ANK3: variants seen among roughly 807,000 people sequenced by gnomAD.
ANK3 encodes ankyrin 3, also known as ankyrin-3.
In ANK3, 57 loss-of-function variants were observed where a neutral mutation model predicts 370.9. The observed-to-expected ratio is 0.15, with a 90% CI of 0.12 to 0.19. ANK3 has a LOEUF of 0.19. Among genes scored for constraint, ANK3 ranks in the 10% least tolerant of loss-of-function variants. The probability of loss-of-function intolerance (pLI) is 1.00; values close to 1 mark genes in which losing one functional copy is unlikely to be tolerated. For missense variants in ANK3, 4,439 were observed against 5,302.1 expected (o/e 0.84, Z 5.06); for synonymous variants, 1,929 against 1,946.3 (o/e 0.99, Z 0.23).
At position 60,678,782 on chromosome 10, in the gene ANK3, A is replaced by G. The variant is rs1308029389; in HGVS notation, c.57+54481T>C. Among the ~76,000 whole-genome samples, 5 of 152,222 alleles carry G rather than the reference A, an allele frequency of 3.3e-5. No individual in the cohort carries two copies. The East Asian group carries it at 5.8e-4, about 18-fold the overall frequency. On this transcript the variant is annotated intron_variant, in intron 1 of 43. Transcript: ENST00000373827. ...AAACAAAATATTTGGAGGCAAATTA[A>G]TGCAGTTCTGTAACTTTTCTCTTTA...
intron 17 of ANK3, among the ~76,000 whole-genome samples, chr10:60,183,790 G>A (rs1442904981): frequency 8.6e-5 from 13 of 151,760 alleles, no homozygotes; most frequent in Admixed American, 7.2e-4. Flanking sequence ...CCCTGGAGGC[G>A]GAGGTTGCAG....
At chr10:60,334,802 T>C (rs1239853740) in intron 1 of ANK3, among the ~76,000 whole-genome samples, 1 of 152,156 alleles carries the variant, frequency 6.6e-6, no homozygotes, top group African/African-American at 2.4e-5. Context: ...ATAAAAATAA[T>C]AATCTAAACT....
intron 2 of ANK3, among the ~76,000 whole-genome samples, chr10:60,447,568 AAAC>A (rs1165673876): frequency 6.6e-6 from 1 of 152,212 alleles, no homozygotes; most frequent in African/African-American, 2.4e-5. Context: ...GAAAAAAAGC[AAAC>A]AACAAGGGAA....
chr10:60,665,505 T>G (rs1419976806), intron 1 of ANK3, among the ~76,000 whole-genome samples: 1 of 152,192 alleles, frequency 6.6e-6, no homozygotes, highest in Non-Finnish European at 1.5e-5. Context: ...ACATAAATCC[T>G]GCTCTTGAGG....
intron 1 of ANK3, among the ~76,000 whole-genome samples, chr10:60,670,297 A>G (rs2079049961): frequency 6.6e-6 from 1 of 151,064 alleles, no homozygotes; most frequent in Admixed American, 6.6e-5. Context: ...CAGTTCCTCC[A>G]CCCTCCCCTG....
intron 28 of ANK3, among the ~76,000 whole-genome samples, chr10:60,089,647 ATTTATCT>A: frequency 6.6e-6 from 1 of 152,172 alleles, no homozygotes; most frequent in Non-Finnish European, 1.5e-5. Context: ...GTGACGGAGA[ATTTATCT>A]TATATGATAT....
chr10:60,106,240 C>G (rs1350051157), intron 27 of ANK3, among the ~76,000 whole-genome samples, 181 bp from the exon 28 acceptor site: 2 of 152,072 alleles, frequency 1.3e-5, no homozygotes, highest in South Asian at 2.1e-4. Context: ...TGAAAACATG[C>G]CATCATTCAT....
rs575899456 is a variant in ANK3 at position 60,665,190 on chromosome 10, G to A, written c.58-49966C>T. Among the ~76,000 whole-genome samples the A allele has an allele frequency of 1.0e-3, 157 of 151,940 alleles. 1 individual carries two copies. Among genetic ancestry groups the A allele is most frequent in the African/African-American group, 3.6e-3 (150 of 41,412 alleles). Reference sequence around the variant, plus strand: ...ACAATACCTTCTTGAGGAACACTGGGGGCACAAAACACTGTTAAAAATTTA... The same window carrying A: ...ACAATACCTTCTTGAGGAACACTGGAGGCACAAAACACTGTTAAAAATTTA... On this transcript the variant is annotated intron_variant, in intron 1 of 43. Transcript: ENST00000373827.
chr10:60,209,504 T>C (rs2096818830), intron 9 of ANK3, among the ~76,000 whole-genome samples: 3 of 152,190 alleles, frequency 2.0e-5, no homozygotes, highest in Admixed American at 6.5e-5. Flanking sequence ...GTTATTATTT[T>C]TTCATTGCCC....
At chr10:60,147,624 C>T (rs1436782711) in intron 23 of ANK3, among the ~76,000 whole-genome samples, 2 of 152,190 alleles carry the variant, frequency 1.3e-5, no homozygotes, top group Middle Eastern at 3.4e-3. Context: ...TGGCACCATC[C>T]CCCTGGTGCT....
chr10:60,632,122 C>G (rs1049749789), intron 1 of ANK3, among the ~76,000 whole-genome samples: 1 of 152,140 alleles, frequency 6.6e-6, no homozygotes, highest in Non-Finnish European at 1.5e-5. Context: ...TAACTTCAAA[C>G]CCTGTATCTA....
At chr10:60,530,453 C>CAAAAA (rs5785453) in intron 2 of ANK3, among the ~76,000 whole-genome samples, 3 of 145,366 alleles carry the variant, frequency 2.1e-5, no homozygotes, top group African/African-American at 5.1e-5. Context: ...TAATCTTCAC[C>CAAAAA]AAAAAAAAAA....
At chr10:60,495,188 T>C (rs1430551596) in intron 2 of ANK3, among the ~76,000 whole-genome samples, 1 of 149,698 alleles carries the variant, frequency 6.7e-6, no homozygotes, top group Non-Finnish European at 1.5e-5. Flanking sequence ...AAGAAGCTTT[T>C]CTAAAGTTTT....
chr10:60,245,341 CATT>C (rs2097537373), intron 7 of ANK3, among the ~76,000 whole-genome samples: 1 of 113,944 alleles, frequency 8.8e-6, no homozygotes, highest in Non-Finnish European at 1.8e-5. Flanking sequence ...TTTATAATGG[CATT>C]ATTAAGATTG....
intron 8 of ANK3, among the ~76,000 whole-genome samples, chr10:60,232,020 C>A (rs2132527943): frequency 6.6e-6 from 1 of 152,246 alleles, no homozygotes; most frequent in East Asian, 1.9e-4. Flanking sequence ...TAGATTATTT[C>A]CTATATTTGG....
In ANK3 at chr10:60,080,594, T is replaced by C. The variant is rs750211703; in HGVS notation, c.4375A>G (p.Ser1459Gly). ...DEIEKTDRRQ[S>G]FASLALRKRY... Reference sequence around the variant, plus strand: ...TTACGTAAAGCTAAGGATGCGAAGCTCTGTCGTCTATCTGTTTTCTCAATC... The same window carrying C: ...TTACGTAAAGCTAAGGATGCGAAGCCCTGTCGTCTATCTGTTTTCTCAATC... The change falls in exon 36 of 44, where the codon AGC (serine) becomes GGC (glycine). Residue 1459 changes from serine (S) to glycine (G), a missense_variant. By Grantham distance (56) the Ser-to-Gly change is moderately conservative. Transcript: ENST00000280772. 6.2e-7 allele frequency: 1 copy of C among 1,602,330 alleles called. No homozygotes were observed. Among genetic ancestry groups the C allele is most frequent in the Non-Finnish European group, 8.5e-7 (1 of 1,177,260 alleles).
intron 2 of ANK3, among the ~76,000 whole-genome samples, chr10:60,440,032 C>A (rs1430270471): frequency 2.6e-5 from 4 of 152,150 alleles, no homozygotes; most frequent in South Asian, 2.1e-4. Context: ...CTGGTGCGTG[C>A]CCCCAGGAAC....
chr10:60,234,969 A>G (rs2097306284), intron 7 of ANK3, among the ~76,000 whole-genome samples, 183 bp from the exon 8 acceptor site: 1 of 152,184 alleles, frequency 6.6e-6, no homozygotes, highest in South Asian at 2.1e-4. Context: ...AAAAGGAATG[A>G]ATTGTAAGGG....
intron 5 of ANK3, 85 bp downstream of exon 5, chr10:60,270,046 C>T: frequency 2.6e-6 from 2 of 760,288 alleles, no homozygotes; most frequent in Non-Finnish European, 4.1e-6. Flanking sequence ...AATTGAAATA[C>T]TAGTAGGACA....
Sources: gnomAD v4.1 joint callset for allele counts (sites outside exome capture counted in the v4.1 genomes callset) on GRCh38, gnomAD v4.1.1 for gene constraint, MANE v1.5 for transcripts, NCBI Gene and HGNC (gene_info 2026-07-23, HGNC 2026-07-21) for gene names.